The following SNTG2 variants were observed in gnomAD, a reference collection of about 807,000 sequenced individuals.
SNTG2 encodes the protein syntrophin gamma 2.
Under a neutral mutation model 70.9 loss-of-function variants are expected in SNTG2, and 74 were observed. That is an observed-to-expected ratio of 1.04 (90% CI 0.86 to 1.27). The LOEUF (loss-of-function observed/expected upper bound fraction) is 1.27. Ranked by LOEUF, SNTG2 falls within the 50% of genes most tolerant of loss-of-function variation. The probability of loss-of-function intolerance (pLI) is 0.00; values close to 1 mark genes in which losing one functional copy is unlikely to be tolerated. For synonymous variants in SNTG2, 278 were observed against 273.8 expected, an observed-to-expected ratio of 1.02 and a Z score of -0.15; for missense variants, 717 against 690.7, an observed-to-expected ratio of 1.04 and a Z score of -0.43.
chr2:1,313,461 C>A (rs1681111274), intron 15 of SNTG2, among the ~76,000 whole-genome samples: 1 of 152,182 alleles, frequency 6.6e-6, no homozygotes, highest in Admixed American at 6.5e-5. Context: ...GGAGCACATG[C>A]CACATTCCGA....
chr2:959,366 G>A (rs1357126330), intron 1 of SNTG2, among the ~76,000 whole-genome samples: 1 of 152,128 alleles, frequency 6.6e-6, no homozygotes, highest in Non-Finnish European at 1.5e-5. Context: ...TTTATGTATT[G>A]CAATTATTTT....
chr2:1,132,219 ATGTGTATATATG>A (rs1668066061), intron 4 of SNTG2, among the ~76,000 whole-genome samples: 2 of 135,156 alleles, frequency 1.5e-5, no homozygotes, highest in Non-Finnish European at 3.2e-5. Flanking sequence ...GTGTATATAT[ATGTGTATATATG>A]TGTGTGTATA....
In SNTG2 at chr2:1,104,270, G is replaced by A. The variant is rs1045216336; in HGVS notation, c.325+5860G>A. ...ATTCTTTACTTTTACACATTTCTTC[G>A]GTTATTGCTCTATGTTGGTGTTGCC... On this transcript the variant is annotated intron_variant, in intron 4 of 16. Transcript: ENST00000308624. Among the ~76,000 whole-genome samples the A allele has an allele frequency of 3.3e-5, 5 of 152,022 alleles. No individual in the cohort carries two copies. The East Asian group carries it at 9.7e-4, about 29-fold the overall frequency.
chr2:1,307,722 C>T (rs941524605), intron 14 of SNTG2, among the ~76,000 whole-genome samples: 2 of 152,212 alleles, frequency 1.3e-5, no homozygotes, highest in African/African-American at 4.8e-5. Flanking sequence ...TCTGGAGTCG[C>T]ATGAAAACAT....
At chr2:1,205,550 C>T (rs2147981284) in intron 8 of SNTG2, among the ~76,000 whole-genome samples, 1 of 152,208 alleles carries the variant, frequency 6.6e-6, no homozygotes, top group Non-Finnish European at 1.5e-5. Flanking sequence ...CTCACAAGTT[C>T]CTTCTTGGGG....
chr2:1,165,204 G>T (rs1050892743), intron 6 of SNTG2, among the ~76,000 whole-genome samples: 4 of 152,186 alleles, frequency 2.6e-5, no homozygotes, highest in African/African-American at 9.7e-5. Context: ...CTGAACACAG[G>T]CTGTTTGTAG....
chr2:1,294,952 C>T (rs1350145895), intron 14 of SNTG2, among the ~76,000 whole-genome samples: 1 of 152,234 alleles, frequency 6.6e-6, no homozygotes, highest in East Asian at 1.9e-4. Context: ...GACAGTGTGG[C>T]TCGTCTTCTG....
chr2:1,294,084 C>T (rs905595131), intron 14 of SNTG2, among the ~76,000 whole-genome samples: 1 of 152,236 alleles, frequency 6.6e-6, no homozygotes, highest in African/African-American at 2.4e-5. Context: ...GTCTCCACCA[C>T]TCTGCATACC....
intron 4 of SNTG2, among the ~76,000 whole-genome samples, chr2:1,130,262 A>C (rs1451536378): frequency 6.6e-6 from 1 of 152,218 alleles, no homozygotes; most frequent in Non-Finnish European, 1.5e-5. Context: ...GTGAAGTGAC[A>C]ACATAATTTT....
In SNTG2 at chr2:970,729, A is replaced by G. The variant is rs569267145; in HGVS notation, c.72+19661A>G. On this transcript the variant is annotated intron_variant, in intron 1 of 16. Coordinates refer to ENST00000308624, the MANE Select transcript of SNTG2 (RefSeq NM_018968.4). ...TTGTGAATAATGCCACAATAAACAT[A>G]CGTGTGCATGTGTCTTTATAGCAGC... Among the ~76,000 whole-genome samples, 406 of 150,480 alleles carry G rather than the reference A, an allele frequency of 2.7e-3. 2 individuals carry two copies. The highest frequency in any genetic ancestry group is 9.6e-3 in the African/African-American group (392 of 40,776).
chr2:1,146,179 A>G (rs1339941672), intron 6 of SNTG2, among the ~76,000 whole-genome samples: 1 of 152,154 alleles, frequency 6.6e-6, no homozygotes, highest in Non-Finnish European at 1.5e-5. Flanking sequence ...TCTTTTCAAC[A>G]CCATACTGAA....
At chr2:996,673 GTTTTTTTTTTTTTTTT>G in intron 1 of SNTG2, among the ~76,000 whole-genome samples, 27 of 35,098 alleles carry the variant, frequency 7.7e-4, no homozygotes, top group South Asian at 3.3e-3. Context: ...GAGTTACCCA[GTTTTTTTTTTTTTTTT>G]TTTTTTTTTT....
intron 9 of SNTG2, chr2:1,210,780 T>G (rs1673988911): frequency 6.6e-6 from 1 of 152,234 alleles, no homozygotes; most frequent in African/African-American, 2.4e-5. Context: ...GATACTTGGT[T>G]TTGTGTATTT....
At chr2:1,178,270 T>A (rs891004964) in intron 8 of SNTG2, among the ~76,000 whole-genome samples, 1 of 152,202 alleles carries the variant, frequency 6.6e-6, no homozygotes, top group Non-Finnish European at 1.5e-5. Flanking sequence ...TGACTTCCTC[T>A]TTTCCTAATT....
chr2:1,270,253 C>G (rs1678951015), intron 14 of SNTG2, among the ~76,000 whole-genome samples: 1 of 152,084 alleles, frequency 6.6e-6, no homozygotes, highest in South Asian at 2.1e-4. Flanking sequence ...TGGACTCACT[C>G]CCTCTTCATG....
At chr2:1,181,076 G>C (rs1476823938) in intron 8 of SNTG2, among the ~76,000 whole-genome samples, 1 of 152,074 alleles carries the variant, frequency 6.6e-6, no homozygotes, top group African/African-American at 2.4e-5. Context: ...GTGGGGTGGG[G>C]GAAGGGGAGA....
At chr2:1,055,867 G>A (rs1323090527) in intron 1 of SNTG2, among the ~76,000 whole-genome samples, 2 of 152,196 alleles carry the variant, frequency 1.3e-5, no homozygotes, top group African/African-American at 4.8e-5. Flanking sequence ...ATGAGCAGGT[G>A]TCTTTAGGAG....
intron 1 of SNTG2, among the ~76,000 whole-genome samples, chr2:1,042,257 G>A (rs967347884): frequency 2.0e-5 from 3 of 152,094 alleles, no homozygotes; most frequent in Middle Eastern, 3.4e-3. Context: ...TGCTTTGATT[G>A]GAATTACATT....
intron 1 of SNTG2, among the ~76,000 whole-genome samples, chr2:996,306 C>T (rs1208747966): frequency 6.6e-6 from 1 of 152,192 alleles, no homozygotes; most frequent in Non-Finnish European, 1.5e-5. Context: ...TGCCAGAAAT[C>T]AGCTCAGAAG....
Sources: allele counts gnomAD v4.1 joint callset (sites outside exome capture counted in the v4.1 genomes callset), GRCh38; gene constraint gnomAD v4.1.1; transcripts MANE v1.5; gene names NCBI Gene and HGNC (gene_info 2026-07-23, HGNC 2026-07-21).